GPC6: variants seen among roughly 807,000 people sequenced by gnomAD.
GPC6 encodes the protein glypican 6, also known as glypican-6.
GPC6 carries 14 observed loss-of-function variants against 55.2 expected under a neutral mutation model. The ratio of observed to expected loss-of-function variants is 0.25; its 90% CI spans 0.17 to 0.40. The LOEUF is 0.40. Ranked by LOEUF, GPC6 falls within the 10% of genes least tolerant of loss-of-function variation. The pLI is 1.00. For synonymous variants in GPC6, 278 were observed against 259.6 expected (o/e 1.07, Z -0.68); for missense variants, 641 against 708.5 (o/e 0.90, Z 1.08).
chr13:94,152,465 C>T (rs1017131810), intron 4 of GPC6, among the ~76,000 whole-genome samples: 2 of 152,084 alleles, frequency 1.3e-5, no homozygotes, highest in African/African-American at 4.8e-5. Context: ...AAACTTAGTA[C>T]ATGTCAGGTA....
In GPC6 at chr13:93,227,557, G is replaced by A. The variant is rs755650644; in HGVS notation, c.101G>A (p.Arg34His). 2 of 1,612,914 alleles carry A rather than the reference G, an allele frequency of 1.2e-6. No individual in the cohort carries two copies. Among genetic ancestry groups the A allele is most frequent in the Non-Finnish European group, 8.5e-7 (1 of 1,179,548 alleles). Residue 34 changes from arginine (R) to histidine (H), a missense_variant, in exon 1 of 9, where the codon CGC (arginine) becomes CAC (histidine). Transcript: ENST00000377047. The surrounding 1 kb of genome is among the most constrained non-coding windows in gnomAD (Gnocchi z 4.3). ...DVKARSCGEVRQAYGAKGFSL... is the reference protein window; with the variant it reads ...DVKARSCGEVHQAYGAKGFSL... The stretch of plus-strand genomic sequence containing the variant: ...AAGGCTCGGAGCTGCGGAGAGGTCC[G>A]CCAGGCGTACGGTGCCAAGGGATTC...
intron 1 of GPC6, among the ~76,000 whole-genome samples, chr13:93,354,348 G>GT (rs1880751061): frequency 1.7e-5 from 1 of 59,094 alleles, no homozygotes; most frequent in African/African-American, 8.8e-5. Flanking sequence ...TCCGTTGGTA[G>GT]ATTTTTTTTT....
intron 2 of GPC6, among the ~76,000 whole-genome samples, chr13:93,758,477 A>G (rs1382631003): frequency 2.0e-5 from 3 of 152,112 alleles, no homozygotes; most frequent in Non-Finnish European, 4.4e-5. Context: ...GGAGATACAG[A>G]TTTGATTTAT....
intron 1 of GPC6, among the ~76,000 whole-genome samples, chr13:93,497,440 C>G (rs914252843): frequency 6.6e-6 from 1 of 152,140 alleles, no homozygotes; most frequent in Non-Finnish European, 1.5e-5. Context: ...AACTCAAAGA[C>G]GATGAGGTCT....
At chr13:94,000,458 G>A (rs536478297) in intron 3 of GPC6, among the ~76,000 whole-genome samples, 1 of 152,236 alleles carries the variant, frequency 6.6e-6, no homozygotes, top group African/African-American at 2.4e-5. Context: ...CTATGGCAAT[G>A]CTTAGAACTC....
At chr13:93,340,886 C>A (rs1880231353) in intron 1 of GPC6, among the ~76,000 whole-genome samples, 1 of 152,136 alleles carries the variant, frequency 6.6e-6, no homozygotes, top group Non-Finnish European at 1.5e-5. Flanking sequence ...GCACCTACCA[C>A]CGGAGTACTA....
At chr13:93,695,754 G>A (rs900627134) in intron 2 of GPC6, among the ~76,000 whole-genome samples, 3 of 152,016 alleles carry the variant, frequency 2.0e-5, no homozygotes, top group Non-Finnish European at 2.9e-5. Flanking sequence ...TTCAAGCTAT[G>A]TCAAAAATGA....
In GPC6 at chr13:94,166,637, T is replaced by A. The variant is rs911137361; in HGVS notation, c.878-119712T>A. On this transcript the variant is annotated intron_variant, in intron 4 of 8. Coordinates refer to ENST00000377047, the MANE Select transcript of GPC6 (RefSeq NM_005708.5). The stretch of plus-strand genomic sequence containing the variant: ...GCACCATACATTATAGCTATCTGTT[T>A]TGTAATCTTTTTTATTAGAGAAGAT... Among the ~76,000 whole-genome samples the A allele has an allele frequency of 2.6e-5, 4 of 152,294 alleles. No homozygotes were observed. In the South Asian group the frequency reaches 8.3e-4, roughly 32 times the overall value.
At chr13:93,517,331 G>C (rs1881242407) in intron 1 of GPC6, among the ~76,000 whole-genome samples, 1 of 151,930 alleles carries the variant, frequency 6.6e-6, no homozygotes, top group South Asian at 2.1e-4. Flanking sequence ...TCAAGGCCAA[G>C]CCTCCTTTTC....
intron 4 of GPC6, among the ~76,000 whole-genome samples, chr13:94,264,465 A>C (rs897851806): frequency 2.6e-5 from 4 of 152,204 alleles, no homozygotes; most frequent in Admixed American, 2.0e-4. Context: ...AAGGATCTGA[A>C]GTCCTCTCAT....
chr13:93,823,821 T>G (rs1887138463), intron 2 of GPC6, among the ~76,000 whole-genome samples: 1 of 152,168 alleles, frequency 6.6e-6, no homozygotes. Flanking sequence ...TGAAATTACA[T>G]AAGCTTTTGT....
At chr13:93,588,610 G>A (rs1399634801) in intron 2 of GPC6, among the ~76,000 whole-genome samples, 1 of 152,112 alleles carries the variant, frequency 6.6e-6, no homozygotes, top group African/African-American at 2.4e-5. Flanking sequence ...GCATGGTGCT[G>A]GCATCTGTTT....
In GPC6 at chr13:94,264,865, C is replaced by G. The variant is rs567801725; in HGVS notation, c.878-21484C>G. Among the ~76,000 whole-genome samples, 9 of 152,270 alleles carry G rather than the reference C, an allele frequency of 5.9e-5. No individual in the cohort carries two copies. In the East Asian group the frequency reaches 1.7e-3, roughly 29 times the overall value. On this transcript the variant is annotated intron_variant, in intron 4 of 8. Transcript: ENST00000377047. The stretch of plus-strand genomic sequence containing the variant: ...ATAATCATGGCAGAAGGTGAAAGGC[C>G]TATCTAACATGGCAGCAGGCAAGAG...
chr13:93,854,276 G>A (rs560062445), intron 3 of GPC6, among the ~76,000 whole-genome samples: 67 of 151,578 alleles, frequency 4.4e-4, no homozygotes, highest in Non-Finnish European at 8.1e-4. Context: ...CCCATTTCTC[G>A]TTTGGAAATC....
intron 2 of GPC6, among the ~76,000 whole-genome samples, chr13:93,650,708 G>T (rs1169361092): frequency 1.3e-5 from 2 of 152,136 alleles, no homozygotes; most frequent in Non-Finnish European, 2.9e-5. Context: ...TAAGCTTATT[G>T]TTTTAACATT....
intron 1 of GPC6, among the ~76,000 whole-genome samples, chr13:93,344,877 G>GA (rs1346527038): frequency 2.6e-5 from 4 of 152,082 alleles, no homozygotes; most frequent in African/African-American, 9.7e-5. Context: ...ATTTTCTAGG[G>GA]AATTTAGGAA....
intron 1 of GPC6, among the ~76,000 whole-genome samples, chr13:93,447,435 G>A (rs2139296815): frequency 6.6e-6 from 1 of 152,206 alleles, no homozygotes; most frequent in Admixed American, 6.5e-5. Flanking sequence ...TCCACAGATT[G>A]GTTTGGCACA....
At chr13:93,313,965 C>T (rs891779450) in intron 1 of GPC6, among the ~76,000 whole-genome samples, 1 of 152,184 alleles carries the variant, frequency 6.6e-6, no homozygotes, top group East Asian at 1.9e-4. Flanking sequence ...TAATGAATGC[C>T]TAGGATGACA....
At chr13:93,590,848 C>T (rs1027666184) in intron 2 of GPC6, among the ~76,000 whole-genome samples, 7 of 152,218 alleles carry the variant, frequency 4.6e-5, no homozygotes, top group East Asian at 3.9e-4. Flanking sequence ...TTTCATGAAA[C>T]GCTGATGCTT....
Sources: allele counts gnomAD v4.1 joint callset (sites outside exome capture counted in the v4.1 genomes callset), GRCh38; gene constraint gnomAD v4.1.1; non-coding constraint Gnocchi (gnomAD v3.1); transcripts MANE v1.5; gene names NCBI Gene and HGNC (gene_info 2026-07-23, HGNC 2026-07-21).